Variants in TMEM38A observed in about 807,000 individuals in gnomAD.
TMEM38A encodes the protein trimeric intracellular cation channel type A.
A neutral mutation model predicts 28.6 loss-of-function variants in TMEM38A; 17 were observed. The ratio of observed to expected loss-of-function variants is 0.60; its 90% CI spans 0.41 to 0.89. The LOEUF is 0.89. Ranked by LOEUF, TMEM38A falls within the 40% of genes least tolerant of loss-of-function variation. TMEM38A has a pLI of 0.00. For synonymous variants in TMEM38A, 169 were observed against 166.1 expected, an observed-to-expected ratio of 1.02 and a Z score of -0.14; for missense variants, 328 against 393.1, an observed-to-expected ratio of 0.83 and a Z score of 1.40.
At chr19:16,682,675 C>T (rs1466546767) in intron 4 of TMEM38A, among the ~76,000 whole-genome samples, 167 bp downstream of exon 4, 1 of 152,144 alleles carries the variant, frequency 6.6e-6, no homozygotes, top group Non-Finnish European at 1.5e-5. Context: ...CATAGCTCTG[C>T]TCAGTGTGGA....
intron 3 of TMEM38A, 198 bp downstream of exon 3, chr19:16,680,779 C>CTT: frequency 1.7e-6 from 1 of 586,820 alleles, no homozygotes; most frequent in Non-Finnish European, 3.0e-6. Flanking sequence ...ATGTTACTGT[C>CTT]AGGGGTACCT....
At chr19:16,688,004 G>T in intron 5 of TMEM38A, 140 bp from the exon 6 acceptor site, 1 of 554,304 alleles carries the variant, frequency 1.8e-6, no homozygotes, top group Non-Finnish European at 3.0e-6. Flanking sequence ...TGCAGCCAGA[G>T]GGCTGGGTCT....
At chr19:16,685,112 C>T (rs1452309307) in intron 4 of TMEM38A, among the ~76,000 whole-genome samples, 2 of 147,752 alleles carry the variant, frequency 1.4e-5, no homozygotes, top group East Asian at 4.1e-4. Context: ...GTTGGCTGGG[C>T]GTGGTAGCTC....
intron 1 of TMEM38A, among the ~76,000 whole-genome samples, chr19:16,668,337 G>A (rs2086711995): frequency 1.3e-5 from 2 of 151,356 alleles, no homozygotes; most frequent in Admixed American, 1.3e-4. Context: ...TTGAAGCCAG[G>A]CGTTGGAGAC....
rs987513640 is a variant in TMEM38A at position 16,661,607 on chromosome 19, G to C, written c.124+266G>C. ...TTAGAGGAGGGGGAACAGGTGCTTG[G>C]GGTCGGGGCTCCTGGTTGGGTCAGA... On this transcript the variant is annotated intron_variant, in intron 1 of 5. Coordinates refer to ENST00000187762, the MANE Select transcript of TMEM38A (RefSeq NM_024074.4). The surrounding 1 kb of genome is among the most constrained non-coding windows in gnomAD (Gnocchi z 6.5). 1.3e-5 allele frequency among the ~76,000 whole-genome samples: 2 copies of C among 152,048 alleles called. No individual in the cohort carries two copies. The highest frequency in any genetic ancestry group is 2.9e-5 in the Non-Finnish European group (2 of 67,988).
At chr19:16,676,404 C>T (rs1187552269) in intron 1 of TMEM38A, among the ~76,000 whole-genome samples, 4 of 152,134 alleles carry the variant, frequency 2.6e-5, no homozygotes, top group African/African-American at 9.7e-5. Flanking sequence ...TATCTCATGT[C>T]AATACTGACT....
intron 1 of TMEM38A, among the ~76,000 whole-genome samples, chr19:16,676,093 G>T (rs1599388778): frequency 7.5e-6 from 1 of 133,916 alleles, no homozygotes; most frequent in Admixed American, 6.9e-5. Context: ...GGGCGCGGTG[G>T]CTCACACCTG....
intron 1 of TMEM38A, among the ~76,000 whole-genome samples, chr19:16,675,580 ACT>A (rs2086747139): frequency 9.3e-6 from 1 of 107,148 alleles, no homozygotes; most frequent in South Asian, 2.8e-4. Flanking sequence ...ACAGAGTCTC[ACT>A]CTGTCGCCCA....
chr19:16,671,213 T>TTTTTTTTTTG (rs2086726157), intron 1 of TMEM38A, among the ~76,000 whole-genome samples: 1 of 145,322 alleles, frequency 6.9e-6, no homozygotes, highest in African/African-American at 2.6e-5. Context: ...TTTTTTTTTT[T>TTTTTTTTTTG]TTTTTTTTTT....
intron 1 of TMEM38A, among the ~76,000 whole-genome samples, chr19:16,673,448 T>C (rs1284699153): frequency 1.3e-5 from 2 of 152,190 alleles, no homozygotes; most frequent in African/African-American, 4.8e-5. Context: ...AGACTGTTGA[T>C]TTCACTTTTC....
intron 1 of TMEM38A, among the ~76,000 whole-genome samples, chr19:16,678,660 G>C (rs1040662122): frequency 6.7e-6 from 1 of 150,248 alleles, no homozygotes; most frequent in African/African-American, 2.5e-5. Context: ...AAATACTTTC[G>C]AGGCTGAGGT....
chr19:16,682,419 A>C lies in TMEM38A; in HGVS notation c.467-2A>C, dbSNP rs747697059. ...CTTGTTCAGAAGCACCCTGTCCTGTAGGTTCTGGTGTCGCCCTCATGTCCA... is the reference window on the plus strand; with the variant it reads ...CTTGTTCAGAAGCACCCTGTCCTGTCGGTTCTGGTGTCGCCCTCATGTCCA... On this transcript the variant is annotated splice_acceptor_variant, in intron 3 of 5. Coordinates refer to ENST00000187762, the MANE Select transcript of TMEM38A (RefSeq NM_024074.4). LOFTEE classifies it high-confidence loss of function. 1.2e-6 allele frequency: 2 copies of C among 1,613,884 alleles called. No individual in the cohort carries two copies. Among genetic ancestry groups the C allele is most frequent in the Non-Finnish European group, 1.7e-6 (2 of 1,179,922 alleles).
chr19:16,665,885 T>A (rs963913328), intron 1 of TMEM38A, among the ~76,000 whole-genome samples: 1 of 151,722 alleles, frequency 6.6e-6, no homozygotes, highest in African/African-American at 2.4e-5. Context: ...CTCAGCTCAC[T>A]GCAACCTTCA....
intron 1 of TMEM38A, among the ~76,000 whole-genome samples, chr19:16,671,631 T>G (rs2122582287): frequency 6.6e-6 from 1 of 152,246 alleles, no homozygotes; most frequent in Middle Eastern, 3.4e-3. Flanking sequence ...GGTTTTGCCA[T>G]GTTGCCCAGG....
chr19:16,682,894 T>C (rs1212604103), intron 4 of TMEM38A, among the ~76,000 whole-genome samples: 1 of 152,108 alleles, frequency 6.6e-6, no homozygotes, highest in East Asian at 1.9e-4. Flanking sequence ...TGGGAGCATA[T>C]CTGGAGCTAA....
chr19:16,673,878 A>G (rs1422485608), intron 1 of TMEM38A, among the ~76,000 whole-genome samples: 2 of 151,930 alleles, frequency 1.3e-5, no homozygotes, highest in African/African-American at 2.4e-5. Context: ...ATTTGAAGCC[A>G]GGAGTTCAAG....
At chr19:16,672,446 ATTTTTT>A (rs746189021) in intron 1 of TMEM38A, among the ~76,000 whole-genome samples, 2 of 105,024 alleles carry the variant, frequency 1.9e-5, no homozygotes, top group African/African-American at 8.6e-5. Flanking sequence ...AAAAAACCTC[ATTTTTT>A]TTTTTTTTTT....
chr19:16,685,567 G>A (rs1006839863), intron 4 of TMEM38A, among the ~76,000 whole-genome samples: 57 of 152,190 alleles, frequency 3.7e-4, no homozygotes, highest in African/African-American at 1.2e-3. Flanking sequence ...TTCTGAGCCT[G>A]GGTATCCAGG....
chr19:16,666,015 C>T (rs1221040929), intron 1 of TMEM38A, among the ~76,000 whole-genome samples: 5 of 151,174 alleles, frequency 3.3e-5, no homozygotes, highest in African/African-American at 9.7e-5. Flanking sequence ...GGAGTCTTGC[C>T]GTGTCTCTAG....
Sources: allele counts gnomAD v4.1 joint callset (sites outside exome capture counted in the v4.1 genomes callset), GRCh38; gene constraint gnomAD v4.1.1; non-coding constraint Gnocchi (gnomAD v3.1); transcripts MANE v1.5; gene names NCBI Gene and HGNC (gene_info 2026-07-23, HGNC 2026-07-21).